The following GRK5 variants were observed in gnomAD, a reference collection of about 807,000 sequenced individuals.
GRK5 encodes the protein g protein-coupled receptor kinase GRK5.
A neutral mutation model predicts 78.4 loss-of-function variants in GRK5; 40 were observed. That is an observed-to-expected ratio of 0.51 (90% confidence interval 0.40 to 0.66). The LOEUF is 0.66. Among genes scored for constraint, GRK5 ranks in the 30% least tolerant of loss-of-function variants. GRK5 has a pLI of 0.00. For synonymous variants in GRK5, 289 were observed against 296.8 expected, an observed-to-expected ratio of 0.97 and a Z score of 0.27; for missense variants, 598 against 759.9, an observed-to-expected ratio of 0.79 and a Z score of 2.50.
At chr10:119,286,515 C>T (rs546701624) in intron 1 of GRK5, among the ~76,000 whole-genome samples, 40 of 152,344 alleles carry the variant, frequency 2.6e-4, no homozygotes, top group African/African-American at 8.4e-4. Context: ...CCCCAGGGCC[C>T]CCCTCAGCCT....
At chr10:119,433,610 C>A (rs1852863918) in intron 8 of GRK5, among the ~76,000 whole-genome samples, 1 of 152,206 alleles carries the variant, frequency 6.6e-6, no homozygotes, top group Admixed American at 6.5e-5. Context: ...TCCTTGGCTG[C>A]CATTTTATCT....
At chr10:119,308,808 G>GTGTTA (rs1850314308) in intron 1 of GRK5, among the ~76,000 whole-genome samples, 1 of 152,262 alleles carries the variant, frequency 6.6e-6, no homozygotes, top group African/African-American at 2.4e-5. Context: ...GAGGATCTTA[G>GTGTTA]TGTTAGCCTG....
At chr10:119,240,041 G>T (rs1320873552) in intron 1 of GRK5, among the ~76,000 whole-genome samples, 1 of 151,956 alleles carries the variant, frequency 6.6e-6, no homozygotes, top group African/African-American at 2.4e-5. Context: ...CCCAGTAATG[G>T]GACTGCTGGG....
At chr10:119,269,978 G>A (rs928387019) in intron 1 of GRK5, among the ~76,000 whole-genome samples, 3 of 152,154 alleles carry the variant, frequency 2.0e-5, no homozygotes, top group Non-Finnish European at 4.4e-5. Flanking sequence ...CCCACACTTT[G>A]TCTGCTCCTC....
intron 4 of GRK5, among the ~76,000 whole-genome samples, chr10:119,406,803 G>A (rs1373695057): frequency 6.6e-6 from 1 of 152,250 alleles, no homozygotes; most frequent in East Asian, 1.9e-4. Context: ...GTGAGGGACA[G>A]GGGTTGGGCC....
chr10:119,382,818 C>A (rs1236204278), intron 3 of GRK5, among the ~76,000 whole-genome samples: 4 of 152,194 alleles, frequency 2.6e-5, no homozygotes, highest in African/African-American at 9.7e-5. Flanking sequence ...AACCATCCAT[C>A]CCCCTTTGTA....
chr10:119,375,322 C>G (rs765041964), intron 2 of GRK5, among the ~76,000 whole-genome samples: 1 of 152,208 alleles, frequency 6.6e-6, no homozygotes, highest in African/African-American at 2.4e-5. Context: ...CCCATTCTCT[C>G]TGGCTTTGAC....
At position 119,314,665 on chromosome 10, in the gene GRK5, G is replaced by A. The variant is rs942007680; in HGVS notation, c.53-11851G>A. ...AGAGGCACTGCACAAGCCCCATCTC[G>A]AGAGATTCTGGGTCACAGGTATTTT... On this transcript the variant is annotated intron_variant, in intron 1 of 15. Coordinates refer to ENST00000392870, the MANE Select transcript of GRK5 (RefSeq NM_005308.3). Among the ~76,000 whole-genome samples the A allele has an allele frequency of 5.3e-5, 8 of 152,322 alleles. No individual in the cohort carries two copies. The East Asian group carries it at 1.2e-3, about 22-fold the overall frequency.
chr10:119,235,190 C>T (rs1848904746), intron 1 of GRK5, among the ~76,000 whole-genome samples: 1 of 151,114 alleles, frequency 6.6e-6, no homozygotes, highest in African/African-American at 2.4e-5. Context: ...CACCATGTTG[C>T]CCAGGCTGGG....
At position 119,430,299 on chromosome 10, in the gene GRK5, C is replaced by T; in HGVS notation, c.534-76C>T. The T allele has an allele frequency of 7.6e-7, 1 of 1,323,598 alleles. No individual in the cohort carries two copies. Among genetic ancestry groups the T allele is most frequent in the Non-Finnish European group, 1.1e-6 (1 of 919,006 alleles). The allele number at this position is 1,323,598 out of a possible 1,614,324, so 82.0% of individuals were successfully genotyped here. A position where few individuals can be genotyped will look rare whatever the true frequency, so the allele number is the denominator to read the frequency against. ...GGAATTATACCCCACCCCAGCTGCT[C>T]TCAATGTGCCACTGTTTCCTGTGGA... is the stretch of plus-strand genomic sequence containing the variant. On this transcript the variant is annotated intron_variant, in intron 6 of 15. Coordinates refer to ENST00000392870, the MANE Select transcript of GRK5 (RefSeq NM_005308.3). This position sits in a 1 kb window ranked among gnomAD's most constrained non-coding sequence, Gnocchi z 4.5.
intron 3 of GRK5, among the ~76,000 whole-genome samples, chr10:119,381,452 G>A (rs573356657): frequency 1.3e-5 from 2 of 152,384 alleles, no homozygotes; most frequent in East Asian, 3.8e-4. Context: ...TGAAGCACAT[G>A]GCTGTCAAGC....
At chr10:119,322,097 G>A (rs542694280) in intron 1 of GRK5, among the ~76,000 whole-genome samples, 50 of 152,172 alleles carry the variant, frequency 3.3e-4, no homozygotes, top group South Asian at 1.0e-3. Context: ...CCTCCTGTGC[G>A]CCACCACGCC....
chr10:119,268,359 G>A (rs1351304447), intron 1 of GRK5, among the ~76,000 whole-genome samples: 1 of 152,174 alleles, frequency 6.6e-6, no homozygotes, highest in African/African-American at 2.4e-5. Flanking sequence ...TGCCGGAGAA[G>A]CCCCAGCTTA....
At chr10:119,315,537 GC>G (rs1223228059) in intron 1 of GRK5, among the ~76,000 whole-genome samples, 4 of 152,158 alleles carry the variant, frequency 2.6e-5, no homozygotes, top group Non-Finnish European at 5.9e-5. Context: ...AGAACAGCTG[GC>G]CGCCTCCACT....
chr10:119,313,244 A>AATGGTGGTGGTG (rs903240572), intron 1 of GRK5, among the ~76,000 whole-genome samples: 6 of 89,274 alleles, frequency 6.7e-5, no homozygotes, highest in African/African-American at 1.6e-4. Context: ...TGGTGGTGGT[A>AATGGTGGTGGTG]ATGGTGGTGG....
At chr10:119,223,067 G>A (rs1378137271) in intron 1 of GRK5, among the ~76,000 whole-genome samples, 2 of 152,198 alleles carry the variant, frequency 1.3e-5, no homozygotes, top group Admixed American at 1.3e-4. Context: ...GCACAGTTCT[G>A]GAGGCCAGAC....
chr10:119,366,479 C>G (rs1220393804), intron 2 of GRK5, among the ~76,000 whole-genome samples: 1 of 152,152 alleles, frequency 6.6e-6, no homozygotes, highest in Non-Finnish European at 1.5e-5. Context: ...GTGCAGCTCA[C>G]AGAACTGAAG....
intron 5 of GRK5, 77 bp downstream of exon 5, chr10:119,423,343 A>T (rs897154995): frequency 1.0e-6 from 1 of 975,292 alleles, no homozygotes; most frequent in Non-Finnish European, 1.6e-6. Flanking sequence ...ACCTGACCAT[A>T]CAGGGCACTG....
chr10:119,220,197 A>G (rs1848636955), intron 1 of GRK5, among the ~76,000 whole-genome samples: 1 of 152,150 alleles, frequency 6.6e-6, no homozygotes, highest in South Asian at 2.1e-4. Context: ...GCCCTGTGAT[A>G]TATAATAATT....
Sources: allele counts gnomAD v4.1 joint callset (sites outside exome capture counted in the v4.1 genomes callset), GRCh38; gene constraint gnomAD v4.1.1; non-coding constraint Gnocchi (gnomAD v3.1); transcripts MANE v1.5; gene names NCBI Gene and HGNC (gene_info 2026-07-23, HGNC 2026-07-21).